The following SUCLG1 variants were observed in gnomAD, a reference collection of about 807,000 sequenced individuals.
SUCLG1 encodes the protein succinate-CoA ligase GDP/ADP-forming subunit alpha.
A neutral mutation model predicts 37.3 loss-of-function variants in SUCLG1; 26 were observed. The observed-to-expected ratio is 0.70, with a 90% CI of 0.51 to 0.97. The LOEUF is 0.97. Among genes scored for constraint, SUCLG1 ranks in the 50% least tolerant of loss-of-function variants. SUCLG1 has a pLI of 0.00. For synonymous variants in SUCLG1, 163 were observed against 155.6 expected (o/e 1.05, Z -0.36); for missense variants, 433 against 432.9 (o/e 1.00, Z 0.00).
intron 8 of SUCLG1, among the ~76,000 whole-genome samples, 160 bp downstream of exon 8, chr2:84,425,255 G>A (rs1672514631): frequency 6.6e-6 from 1 of 152,078 alleles, no homozygotes; most frequent in Admixed American, 6.5e-5. Context: ...GCCTAATTAG[G>A]GCACTAGGAC....
Position 84,423,710 on chromosome 2 carries a change from G to T in SUCLG1, c.*36C>A, listed in dbSNP as rs757800762. ...CTGCTGCTGGGTTACATGTCTACGT[G>T]ATCCATTCCACAGTTTTAGGAATTT... On this transcript the variant is annotated 3_prime_UTR_variant, in exon 9 of 9. Coordinates refer to ENST00000393868, the MANE Select transcript of SUCLG1 (RefSeq NM_003849.4). 64 of 1,583,116 alleles carry T rather than the reference G, an allele frequency of 4.0e-5. No homozygotes were observed. The highest frequency in any genetic ancestry group is 5.4e-5 in the Non-Finnish European group (63 of 1,158,460).
Position 84,441,251 on chromosome 2 carries a change from A to T in SUCLG1, c.527T>A (p.Ile176Asn), listed in dbSNP as rs747047204. 10 of 1,613,956 alleles carry T rather than the reference A, an allele frequency of 6.2e-6. No homozygotes were observed. Among genetic ancestry groups the T allele is most frequent in the Non-Finnish European group, 7.6e-6 (9 of 1,180,020 alleles). ...RLIGPNCPGV[I>N]NPGECKIGIM... ...TTTTTGTTTTTTTGCACTCACATTG[A>T]TGACTCCAGGGCAGTTGGGCCCAAT... is the stretch of plus-strand genomic sequence containing the variant. Residue 176 changes from isoleucine to asparagine, a missense_variant, in exon 4 of 9, where the codon ATC (isoleucine) becomes AAC (asparagine). Transcript: ENST00000393868.
At chr2:84,449,312 A>G (rs1672899787) in intron 2 of SUCLG1, among the ~76,000 whole-genome samples, 1 of 152,210 alleles carries the variant, frequency 6.6e-6, no homozygotes, top group Non-Finnish European at 1.5e-5. Flanking sequence ...ACAAGAATCT[A>G]GTTGACCTAG....
chr2:84,441,582 A>G, intron 3 of SUCLG1, 123 bp from the exon 4 acceptor site: 1 of 1,077,072 alleles, frequency 9.3e-7, no homozygotes, highest in Non-Finnish European at 1.4e-6. Context: ...GAGACATAGC[A>G]TTCTTCCCAT....
intron 2 of SUCLG1, among the ~76,000 whole-genome samples, 167 bp downstream of exon 2, chr2:84,449,482 T>A (rs542615757): frequency 6.6e-6 from 1 of 152,176 alleles, no homozygotes; most frequent in Non-Finnish European, 1.5e-5. Context: ...TTTTATGTTA[T>A]AGGCTGACAA....
At chr2:84,452,559 A>G (rs537803041) in intron 1 of SUCLG1, among the ~76,000 whole-genome samples, 13 of 152,338 alleles carry the variant, frequency 8.5e-5, no homozygotes, top group African/African-American at 2.6e-4. Flanking sequence ...GAAGAATAGA[A>G]GCTACAAACG....
In SUCLG1 at chr2:84,423,602, T is replaced by A; in HGVS notation, c.*144A>T. On this transcript the variant is annotated 3_prime_UTR_variant, in exon 9 of 9. Transcript: ENST00000393868. The stretch of plus-strand genomic sequence containing the variant: ...GAAAACATCTTAATTCAGGACATCT[T>A]CCACCTTGTTTTGGCTTCCAGTTGT... 1 of 773,706 alleles carries A rather than the reference T, an allele frequency of 1.3e-6. No homozygotes were observed. Among genetic ancestry groups the A allele is most frequent in the South Asian group, 1.5e-5 (1 of 66,190 alleles). The allele number at this position is 773,706 out of a possible 1,614,324, so 47.9% of individuals were successfully genotyped here.
At chr2:84,443,724 G>C (rs760301325) in intron 2 of SUCLG1, among the ~76,000 whole-genome samples, 3 of 151,896 alleles carry the variant, frequency 2.0e-5, no homozygotes, top group Non-Finnish European at 4.4e-5. Context: ...AACAATCTTG[G>C]CTTTCTCTCA....
chr2:84,456,898 G>C (rs190475937), intron 1 of SUCLG1, among the ~76,000 whole-genome samples: 49 of 152,230 alleles, frequency 3.2e-4, no homozygotes, highest in African/African-American at 1.2e-3. Context: ...TCCTGACCTT[G>C]TGATCTACCC....
intron 1 of SUCLG1, among the ~76,000 whole-genome samples, chr2:84,455,172 T>G (rs1015035813): frequency 6.6e-6 from 1 of 152,202 alleles, no homozygotes; most frequent in African/African-American, 2.4e-5. Context: ...GAGTGAAGTT[T>G]AATAAGCTGT....
In SUCLG1 at chr2:84,441,408, A is replaced by G. The variant is rs1672771476; in HGVS notation, c.370T>C (p.Phe124Leu). The change falls in exon 4 of 9, where the codon TTT (phenylalanine) becomes CTT (leucine). Residue 124 changes from phenylalanine to leucine, a missense_variant. Transcript: ENST00000393868. ...GCTTCATTAATGGCAGCAGCAGCAAAAGGCGGAGGAACATAAATGACAGAA... is the reference window on the plus strand; with the variant it reads ...GCTTCATTAATGGCAGCAGCAGCAAGAGGCGGAGGAACATAAATGACAGAA... ...TASVIYVPPPFAAAAINEAIE... is the reference protein window; with the variant it reads ...TASVIYVPPPLAAAAINEAIE... The G allele has an allele frequency of 6.2e-7, 1 of 1,614,046 alleles. No individual in the cohort carries two copies. Among genetic ancestry groups the G allele is most frequent in the African/African-American group, 1.3e-5 (1 of 74,908 alleles).
intron 3 of SUCLG1, among the ~76,000 whole-genome samples, chr2:84,442,804 C>T (rs528121646): frequency 5.3e-5 from 8 of 152,330 alleles, no homozygotes; most frequent in Admixed American, 3.9e-4. Context: ...CATCCTAAGC[C>T]TGCCACTTAA....
At chr2:84,430,981 A>G (rs1422753856) in intron 7 of SUCLG1, among the ~76,000 whole-genome samples, 1 of 152,162 alleles carries the variant, frequency 6.6e-6, no homozygotes, top group Admixed American at 6.6e-5. Context: ...TCTAAGTGAG[A>G]AGCAACAAGG....
At chr2:84,443,765 C>G (rs1389325130) in intron 2 of SUCLG1, among the ~76,000 whole-genome samples, 1 of 151,648 alleles carries the variant, frequency 6.6e-6, no homozygotes. Flanking sequence ...AAAACCACAA[C>G]CTGGGTCAAA....
intron 1 of SUCLG1, among the ~76,000 whole-genome samples, chr2:84,452,414 G>C (rs1288583650): frequency 6.6e-6 from 1 of 152,136 alleles, no homozygotes; most frequent in Non-Finnish European, 1.5e-5. Flanking sequence ...TCAACTTTCT[G>C]AGAATTTCAC....
intron 5 of SUCLG1, among the ~76,000 whole-genome samples, chr2:84,434,523 A>G (rs1299265866): frequency 6.6e-6 from 1 of 152,146 alleles, no homozygotes; most frequent in African/African-American, 2.4e-5. Context: ...GTAGTTTACT[A>G]TGCTTGGCTG....
At chr2:84,450,480 A>G (rs1475348846) in intron 1 of SUCLG1, among the ~76,000 whole-genome samples, 1 of 152,072 alleles carries the variant, frequency 6.6e-6, no homozygotes, top group Non-Finnish European at 1.5e-5. Context: ...AGAAATCTAA[A>G]TAGTTACTAC....
chr2:84,444,189 T>A (rs149819367), intron 2 of SUCLG1, among the ~76,000 whole-genome samples: 1 of 152,312 alleles, frequency 6.6e-6, no homozygotes, highest in African/African-American at 2.4e-5. Flanking sequence ...CCTCTTCTCT[T>A]TCTCTCTCCT....
intron 1 of SUCLG1, among the ~76,000 whole-genome samples, chr2:84,456,440 C>T (rs1452390875): frequency 1.3e-5 from 2 of 152,136 alleles, no homozygotes; most frequent in Non-Finnish European, 2.9e-5. Flanking sequence ...TACCAAAATT[C>T]TGAGGTTCAA....
Sources: gnomAD v4.1 joint callset for allele counts (sites outside exome capture counted in the v4.1 genomes callset) on GRCh38, gnomAD v4.1.1 for gene constraint, MANE v1.5 for transcripts, NCBI Gene and HGNC (gene_info 2026-07-23, HGNC 2026-07-21) for gene names.